RELN: variants seen among roughly 807,000 people sequenced by gnomAD.
The protein encoded by RELN is reelin.
Under a neutral mutation model 427.6 loss-of-function variants are expected in RELN, and 108 were observed. The observed-to-expected ratio is 0.25, with a 90% confidence interval of 0.22 to 0.30. RELN has a LOEUF of 0.30. Among genes scored for constraint, RELN ranks in the 10% least tolerant of loss-of-function variants. RELN has a pLI of 1.00. For synonymous variants in RELN, 1,524 were observed against 1,513.4 expected (o/e 1.01, Z -0.16); for missense variants, 3,715 against 4,302.8 (o/e 0.86, Z 3.82).
At chr7:103,537,146 A>G (rs962271018) in intron 45 of RELN, among the ~76,000 whole-genome samples, 9 of 152,234 alleles carry the variant, frequency 5.9e-5, no homozygotes, top group African/African-American at 2.2e-4. Flanking sequence ...AACACAATTT[A>G]GAAGTTATTT....
chr7:103,723,262 G>A (rs1481209314), intron 7 of RELN, 71 bp from the exon 8 acceptor site: 5 of 885,596 alleles, frequency 5.6e-6, no homozygotes, highest in Non-Finnish European at 9.5e-6. Context: ...GCTGGGAGGG[G>A]TACGGGGAGG....
chr7:103,937,434 C>A (rs1796011596), intron 1 of RELN, among the ~76,000 whole-genome samples: 1 of 152,200 alleles, frequency 6.6e-6, no homozygotes, highest in African/African-American at 2.4e-5. Flanking sequence ...TTATCACTTC[C>A]TACTATATTA....
chr7:103,590,734 A>G (rs183429469), intron 27 of RELN, among the ~76,000 whole-genome samples: 143 of 152,328 alleles, frequency 9.4e-4, no homozygotes, highest in African/African-American at 3.4e-3. Context: ...TAGGATTAAC[A>G]ACATTTAAAA....
chr7:103,787,530 C>T (rs1254682519), intron 3 of RELN, among the ~76,000 whole-genome samples: 2 of 152,116 alleles, frequency 1.3e-5, no homozygotes, highest in Admixed American at 6.6e-5. Flanking sequence ...GAAATACAAA[C>T]TACCATCAGA....
chr7:103,982,831 A>G (rs1371865964), intron 1 of RELN, among the ~76,000 whole-genome samples: 1 of 152,150 alleles, frequency 6.6e-6, no homozygotes, highest in African/African-American at 2.4e-5. Flanking sequence ...TATTTTAATC[A>G]ATAATTTTCT....
At chr7:103,598,022 T>C (rs1303061922) in intron 24 of RELN, among the ~76,000 whole-genome samples, 1 of 152,176 alleles carries the variant, frequency 6.6e-6, no homozygotes, top group African/African-American at 2.4e-5. Context: ...TGAGATAATA[T>C]ACATAGTATT....
chr7:103,878,808 C>T (rs1794542596), intron 2 of RELN, among the ~76,000 whole-genome samples: 1 of 152,158 alleles, frequency 6.6e-6, no homozygotes, highest in Admixed American at 6.5e-5. Context: ...TAAATGTTTG[C>T]TTCCAACAGA....
intron 17 of RELN, among the ~76,000 whole-genome samples, chr7:103,638,466 G>A (rs1229870311): frequency 6.6e-6 from 1 of 152,166 alleles, no homozygotes; most frequent in African/African-American, 2.4e-5. Context: ...GGGAGAGGTG[G>A]AGTAAAGAGG....
At position 103,522,213 on chromosome 7, in the gene RELN, AAG is replaced by A; in HGVS notation, c.7491-16_7491-15del. On this transcript the variant is annotated splice_polypyrimidine_tract_variant and intron_variant, in intron 47 of 64. Transcript: ENST00000428762. The stretch of plus-strand genomic sequence containing the variant: ...TGTTCATCACAGCTGGGTGCAGAGC[AAG>A]AGAGAGGAAAAGTCAACATCAGACA... 1 of 1,613,428 alleles carries A rather than the reference AAG, an allele frequency of 6.2e-7. No individual in the cohort carries two copies. Among genetic ancestry groups the A allele is most frequent in the Non-Finnish European group, 8.5e-7 (1 of 1,179,890 alleles).
intron 6 of RELN, among the ~76,000 whole-genome samples, chr7:103,746,332 A>T (rs1291968237): frequency 1.3e-5 from 2 of 152,240 alleles, no homozygotes; most frequent in Admixed American, 1.3e-4. Context: ...AAACCTAGGC[A>T]ATACCATTCA....
At chr7:103,882,123 C>T (rs1794621261) in intron 2 of RELN, among the ~76,000 whole-genome samples, 1 of 152,140 alleles carries the variant, frequency 6.6e-6, no homozygotes, top group East Asian at 1.9e-4. Context: ...GGGAAGCCAA[C>T]AAAATGAAAG....
At chr7:103,662,657 C>T (rs1268226238) in intron 11 of RELN, among the ~76,000 whole-genome samples, 1 of 147,674 alleles carries the variant, frequency 6.8e-6, no homozygotes, top group East Asian at 2.0e-4. Flanking sequence ...AAACGGGTGA[C>T]ACTATTAACA....
At chr7:103,972,026 T>G (rs1201837643) in intron 1 of RELN, among the ~76,000 whole-genome samples, 2 of 152,064 alleles carry the variant, frequency 1.3e-5, no homozygotes, top group African/African-American at 4.8e-5. Context: ...TGAGCCAAGA[T>G]CACGCCACTG....
At chr7:103,488,961 C>A (rs546318726) in intron 60 of RELN, among the ~76,000 whole-genome samples, 1 of 152,180 alleles carries the variant, frequency 6.6e-6, no homozygotes, top group African/African-American at 2.4e-5. Context: ...GCATTGCTAT[C>A]GGCCAGGTAT....
At chr7:103,615,061 C>T (rs1832050134) in intron 20 of RELN, among the ~76,000 whole-genome samples, 1 of 152,024 alleles carries the variant, frequency 6.6e-6, no homozygotes, top group African/African-American at 2.4e-5. Context: ...ATCATAGGAA[C>T]AGAAAAGAAC....
intron 6 of RELN, among the ~76,000 whole-genome samples, chr7:103,733,033 GTTT>G (rs1790394668): frequency 6.6e-6 from 1 of 151,898 alleles, no homozygotes; most frequent in South Asian, 2.1e-4. Flanking sequence ...TTCTTCTAGG[GTTT>G]TTATGGTTTT....
chr7:103,941,121 C>A (rs1319891445), intron 1 of RELN, among the ~76,000 whole-genome samples: 1 of 151,856 alleles, frequency 6.6e-6, no homozygotes, highest in East Asian at 1.9e-4. Flanking sequence ...ACGAGACTGA[C>A]ACGAGACTGG....
intron 4 of RELN, among the ~76,000 whole-genome samples, chr7:103,773,703 C>T (rs946484827): frequency 2.6e-5 from 4 of 151,962 alleles, no homozygotes; most frequent in African/African-American, 7.3e-5. Flanking sequence ...CTCCTGACCT[C>T]AAGTGATCTG....
At chr7:103,498,710 T>C (rs1174526880) in intron 53 of RELN, among the ~76,000 whole-genome samples, 1 of 152,122 alleles carries the variant, frequency 6.6e-6, no homozygotes, top group Non-Finnish European at 1.5e-5. Flanking sequence ...TAGGCTGGTC[T>C]CGAATCCCTG....
Sources: gnomAD v4.1 joint callset for allele counts (sites outside exome capture counted in the v4.1 genomes callset) on GRCh38, gnomAD v4.1.1 for gene constraint, MANE v1.5 for transcripts, NCBI Gene and HGNC (gene_info 2026-07-23, HGNC 2026-07-21) for gene names.